SCAMP1: variants seen among roughly 807,000 people sequenced by gnomAD.
SCAMP1 encodes secretory carrier-associated membrane protein 1.
A neutral mutation model predicts 41.8 loss-of-function variants in SCAMP1; 15 were observed. That is an observed-to-expected ratio of 0.36 (90% CI 0.24 to 0.55). The LOEUF (loss-of-function observed/expected upper bound fraction) is 0.55. Among genes scored for constraint, SCAMP1 ranks in the 20% least tolerant of loss-of-function variants. The pLI is 0.86. For missense variants in SCAMP1, 341 were observed against 412.6 expected, an observed-to-expected ratio of 0.83 and a Z score of 1.50; for synonymous variants, 135 against 136.8, an observed-to-expected ratio of 0.99 and a Z score of 0.09.
chr5:78,367,601 G>T (rs1259421231), intron 1 of SCAMP1, among the ~76,000 whole-genome samples: 3 of 152,150 alleles, frequency 2.0e-5, no homozygotes, highest in Non-Finnish European at 4.4e-5. Context: ...GCTGTATTCT[G>T]TTGGTCAAAA....
At chr5:78,460,564 T>G (rs1306683657) in intron 8 of SCAMP1, among the ~76,000 whole-genome samples, 1 of 147,316 alleles carries the variant, frequency 6.8e-6, no homozygotes, top group Non-Finnish European at 1.5e-5. Context: ...AAGTGTCTGT[T>G]GATATCCTTT....
chr5:78,416,748 C>A (rs969607038), intron 4 of SCAMP1, 99 bp downstream of exon 4: 9 of 807,738 alleles, frequency 1.1e-5, no homozygotes, highest in Non-Finnish European at 1.7e-5. Flanking sequence ...TAAAACCCTA[C>A]CCTGTTTTCC....
chr5:78,441,461 G>T (rs1354479156), intron 6 of SCAMP1, among the ~76,000 whole-genome samples: 2 of 152,200 alleles, frequency 1.3e-5, no homozygotes, highest in East Asian at 3.8e-4. Context: ...AATTTCAAGT[G>T]TAAGAGTGAT....
intron 2 of SCAMP1, among the ~76,000 whole-genome samples, chr5:78,413,662 C>T (rs550599381): frequency 6.6e-6 from 1 of 152,276 alleles, no homozygotes; most frequent in South Asian, 2.1e-4. Context: ...AGGCGATCTG[C>T]CCACCTTGGC....
At chr5:78,386,778 G>A (rs1480257992) in intron 1 of SCAMP1, among the ~76,000 whole-genome samples, 2 of 152,126 alleles carry the variant, frequency 1.3e-5, no homozygotes, top group Non-Finnish European at 2.9e-5. Flanking sequence ...GGAGATTAAA[G>A]GTAGGACCTC....
intron 6 of SCAMP1, among the ~76,000 whole-genome samples, chr5:78,438,077 T>C (rs1352254422): frequency 1.3e-5 from 2 of 152,228 alleles, no homozygotes; most frequent in Non-Finnish European, 1.5e-5. Context: ...TATCATTTTT[T>C]ATTGCATCTA....
At chr5:78,440,494 G>T (rs1415618117) in intron 6 of SCAMP1, among the ~76,000 whole-genome samples, 1 of 152,146 alleles carries the variant, frequency 6.6e-6, no homozygotes, top group Admixed American at 6.5e-5. Flanking sequence ...TGTTTGCCTT[G>T]GTATCACCAG....
chr5:78,418,194 A>G (rs1395236325), intron 4 of SCAMP1, among the ~76,000 whole-genome samples: 1 of 152,006 alleles, frequency 6.6e-6, no homozygotes, highest in African/African-American at 2.4e-5. Flanking sequence ...TCTTTGTTGT[A>G]GGGTTTTCGT....
chr5:78,415,743 G>A, intron 3 of SCAMP1, 125 bp downstream of exon 3: 1 of 639,440 alleles, frequency 1.6e-6, no homozygotes, highest in South Asian at 2.2e-5. Flanking sequence ...TCACTTTCAA[G>A]TCTGGATTTG....
chr5:78,453,402 A>C (rs6868005), intron 7 of SCAMP1, among the ~76,000 whole-genome samples: 120,924 of 148,938 alleles, frequency 0.81, 49,684 homozygotes, highest in East Asian at 0.92. Context: ...CTTTCTACAT[A>C]TGGCTAGCCA....
At chr5:78,386,715 A>G (rs145778227) in intron 1 of SCAMP1, among the ~76,000 whole-genome samples, 138 of 152,270 alleles carry the variant, frequency 9.1e-4, no homozygotes, top group African/African-American at 3.1e-3. Flanking sequence ...CTTCATTTAT[A>G]AAGCTTAGTT....
At chr5:78,417,665 T>C (rs59630074) in intron 4 of SCAMP1, among the ~76,000 whole-genome samples, 2,334 of 152,334 alleles carry the variant, frequency 0.015, 58 homozygotes, top group African/African-American at 0.054. Context: ...TTTACAGATA[T>C]GGAAACTAAG....
intron 6 of SCAMP1, among the ~76,000 whole-genome samples, chr5:78,444,779 C>G (rs897355425): frequency 6.6e-6 from 1 of 152,170 alleles, no homozygotes; most frequent in Non-Finnish European, 1.5e-5. Flanking sequence ...GAGTGTAATA[C>G]AGGTATCAAC....
At chr5:78,369,255 C>T (rs1280670229) in intron 1 of SCAMP1, among the ~76,000 whole-genome samples, 2 of 152,006 alleles carry the variant, frequency 1.3e-5, no homozygotes, top group Non-Finnish European at 2.9e-5. Context: ...TATAGGCGTG[C>T]ACCGCCACAC....
rs1045494896 is a variant in SCAMP1, at chr5:78,385,587, A to G, written c.58-3250A>G. Among the ~76,000 whole-genome samples, 4 of 152,232 alleles carry G rather than the reference A, an allele frequency of 2.6e-5. No homozygotes were observed. The East Asian group carries it at 5.8e-4, about 22-fold the overall frequency. On this transcript the variant is annotated intron_variant, in intron 1 of 8. Transcript: ENST00000621999. ...CTTTTTGATGTAAGCATTTAATACTATGAACTTTCCTTTTAGCACCACTTT... is the reference window on the plus strand; with the variant it reads ...CTTTTTGATGTAAGCATTTAATACTGTGAACTTTCCTTTTAGCACCACTTT...
chr5:78,451,758 G>A (rs1269641031), intron 7 of SCAMP1, among the ~76,000 whole-genome samples: 1 of 152,208 alleles, frequency 6.6e-6, no homozygotes, highest in African/African-American at 2.4e-5. Context: ...CGGTTCAAGT[G>A]ATTCTCATGC....
chr5:78,369,125 G>A (rs1242505924), intron 1 of SCAMP1, among the ~76,000 whole-genome samples: 1 of 135,166 alleles, frequency 7.4e-6, no homozygotes, highest in African/African-American at 2.8e-5. Flanking sequence ...TTTTTTTTTT[G>A]AGACAGGGTC....
chr5:78,378,498 G>A (rs1580647652), intron 1 of SCAMP1, among the ~76,000 whole-genome samples: 2 of 152,344 alleles, frequency 1.3e-5, no homozygotes, highest in South Asian at 4.1e-4. Flanking sequence ...TTCCTCTGGA[G>A]AATTTGGTAG....
At chr5:78,434,523 C>T (rs1049575201) in intron 6 of SCAMP1, among the ~76,000 whole-genome samples, 1 of 147,510 alleles carries the variant, frequency 6.8e-6, no homozygotes, top group Non-Finnish European at 1.5e-5. Context: ...CTTCCTCCTC[C>T]CTCTCCTCCC....
Sources: gnomAD v4.1 joint callset for allele counts (sites outside exome capture counted in the v4.1 genomes callset) on GRCh38, gnomAD v4.1.1 for gene constraint, MANE v1.5 for transcripts, NCBI Gene and HGNC (gene_info 2026-07-23, HGNC 2026-07-21) for gene names.